SHISA9: variants seen among roughly 807,000 people sequenced by gnomAD.
SHISA9 encodes the protein protein shisa-9.
In SHISA9, 13 loss-of-function variants were observed where a neutral mutation model predicts 38.0. That is an observed-to-expected ratio of 0.34 (90% confidence interval 0.22 to 0.54). The LOEUF is 0.54. Ranked by LOEUF, SHISA9 falls within the 20% of genes least tolerant of loss-of-function variation. The probability of loss-of-function intolerance (pLI) is 0.91; values close to 1 mark genes in which losing one functional copy is unlikely to be tolerated. For missense variants in SHISA9, 538 were observed against 575.8 expected, an observed-to-expected ratio of 0.93 and a Z score of 0.67; for synonymous variants, 275 against 242.0, an observed-to-expected ratio of 1.14 and a Z score of -1.27.
At chr16:13,035,084 C>T (rs1243277678) in intron 2 of SHISA9, among the ~76,000 whole-genome samples, 1 of 152,132 alleles carries the variant, frequency 6.6e-6, no homozygotes, top group African/African-American at 2.4e-5. Context: ...TCTTTGCCCA[C>T]TTAAATCTGA....
chr16:13,377,884 T>A, the SHISA9 span, among the ~76,000 whole-genome samples: 50 of 149,622 alleles, frequency 3.3e-4, 1 homozygote, highest in African/African-American at 1.1e-3. Context: ...AAAAAAAAAA[T>A]TAGCCAGTCG....
chr16:13,145,776 C>T (rs148935118), intron 2 of SHISA9, among the ~76,000 whole-genome samples: 1 of 152,342 alleles, frequency 6.6e-6, no homozygotes, highest in African/African-American at 2.4e-5. Flanking sequence ...TTAACAGATA[C>T]TTACTGAGCA....
the SHISA9 span, among the ~76,000 whole-genome samples, chr16:13,493,401 A>C: frequency 6.6e-6 from 1 of 152,042 alleles, no homozygotes; most frequent in Non-Finnish European, 1.5e-5. Context: ...CACTGGCCAG[A>C]CTCCAGACAA....
At position 12,956,925 on chromosome 16, in the gene SHISA9, T is replaced by C. The variant is rs542798616; in HGVS notation, c.691+40110T>C. 5.3e-5 allele frequency among the ~76,000 whole-genome samples: 8 copies of C among 152,326 alleles called. No individual in the cohort carries two copies. In the East Asian group the frequency reaches 1.3e-3, roughly 26 times the overall value. Reference sequence around the variant, plus strand: ...TATATATGAAACCTAGATAAAGTTATAGATATATGTTTATTAACAATAATG... The same window carrying C: ...TATATATGAAACCTAGATAAAGTTACAGATATATGTTTATTAACAATAATG... On this transcript the variant is annotated intron_variant, in intron 2 of 4. Coordinates refer to ENST00000558583, the MANE Select transcript of SHISA9 (RefSeq NM_001145204.3).
chr16:13,505,508 G>A, the SHISA9 span, among the ~76,000 whole-genome samples: 39,869 of 152,156 alleles, frequency 0.26, 5,638 homozygotes, highest in East Asian at 0.42. Context: ...CAGTTACCAA[G>A]ATTTTCAAGT....
the SHISA9 span, among the ~76,000 whole-genome samples, chr16:13,539,023 G>A: frequency 2.0e-5 from 3 of 152,236 alleles, no homozygotes; most frequent in East Asian, 5.8e-4. Flanking sequence ...GATCACTGGA[G>A]AAGCCTGTTC....
chr16:13,227,305 A>C (rs1214143511), intron 4 of SHISA9, among the ~76,000 whole-genome samples: 1 of 152,236 alleles, frequency 6.6e-6, no homozygotes, highest in Non-Finnish European at 1.5e-5. Context: ...TTGGTTACTG[A>C]AGTAGAACAA....
chr16:12,920,761 A>G (rs2071317672), intron 2 of SHISA9, among the ~76,000 whole-genome samples: 1 of 152,174 alleles, frequency 6.6e-6, no homozygotes, highest in Non-Finnish European at 1.5e-5. Context: ...TAAGAAATCA[A>G]CGTGAGTACT....
intron 2 of SHISA9, among the ~76,000 whole-genome samples, chr16:13,135,088 A>G (rs1315733870): frequency 6.6e-6 from 1 of 152,230 alleles, no homozygotes; most frequent in Non-Finnish European, 1.5e-5. Flanking sequence ...ATTAGCTAAA[A>G]CAAGTCACAT....
At chr16:13,192,573 T>C (rs2142042337) in intron 2 of SHISA9, among the ~76,000 whole-genome samples, 1 of 151,932 alleles carries the variant, frequency 6.6e-6, no homozygotes, top group Middle Eastern at 3.4e-3. Context: ...TATTTCTAAT[T>C]TGGGAGGAAA....
chr16:12,977,541 C>A (rs1324599008), intron 2 of SHISA9, among the ~76,000 whole-genome samples: 1 of 152,064 alleles, frequency 6.6e-6, no homozygotes, highest in African/African-American at 2.4e-5. Context: ...GCACTATTCA[C>A]AATAGCAAAG....
At chr16:12,938,308 T>C (rs1387842689) in intron 2 of SHISA9, among the ~76,000 whole-genome samples, 2 of 152,218 alleles carry the variant, frequency 1.3e-5, no homozygotes, top group Non-Finnish European at 2.9e-5. Context: ...CAACTCTCCC[T>C]GGAATACCTC....
intron 2 of SHISA9, among the ~76,000 whole-genome samples, chr16:13,068,796 T>C (rs1402687587): frequency 1.3e-5 from 2 of 152,206 alleles, no homozygotes; most frequent in African/African-American, 2.4e-5. Context: ...TGTGTATGCA[T>C]ATATGTGTGT....
At chr16:12,924,487 C>T (rs2071369443) in intron 2 of SHISA9, among the ~76,000 whole-genome samples, 1 of 152,164 alleles carries the variant, frequency 6.6e-6, no homozygotes, top group South Asian at 2.1e-4. Context: ...GAAGTCACAG[C>T]CACCAACATT....
chr16:13,323,968 G>T, the SHISA9 span, among the ~76,000 whole-genome samples: 1 of 152,176 alleles, frequency 6.6e-6, no homozygotes, highest in Non-Finnish European at 1.5e-5. Flanking sequence ...TGAATGACTT[G>T]AGGCTGTCCT....
intron 2 of SHISA9, among the ~76,000 whole-genome samples, chr16:13,008,660 TCCCTTCCTCCCTCCCTCC>T (rs2072630458): frequency 4.3e-5 from 1 of 23,156 alleles, no homozygotes; most frequent in Non-Finnish European, 7.7e-5. Flanking sequence ...CCTCCCTCCC[TCCCTTCCTCCCTCCCTCC>T]CTCTCTCTCT....
the SHISA9 span, among the ~76,000 whole-genome samples, chr16:13,499,293 G>T: frequency 6.6e-6 from 1 of 152,172 alleles, no homozygotes; most frequent in East Asian, 1.9e-4. Flanking sequence ...GGAAAATGAC[G>T]TAGTTTTGGC....
At chr16:12,926,046 A>G (rs2071389892) in intron 2 of SHISA9, among the ~76,000 whole-genome samples, 2 of 152,154 alleles carry the variant, frequency 1.3e-5, no homozygotes, top group South Asian at 2.1e-4. Flanking sequence ...TTCTCACAAC[A>G]TCTTCATAAA....
chr16:13,186,833 T>C (rs2050829327), intron 2 of SHISA9, among the ~76,000 whole-genome samples: 1 of 152,228 alleles, frequency 6.6e-6, no homozygotes, highest in Admixed American at 6.5e-5. Context: ...AGTCTTTTTG[T>C]GACTGGCTAA....
Sources: gnomAD v4.1 joint callset for allele counts (sites outside exome capture counted in the v4.1 genomes callset) on GRCh38, gnomAD v4.1.1 for gene constraint, MANE v1.5 for transcripts, NCBI Gene and HGNC (gene_info 2026-07-23, HGNC 2026-07-21) for gene names.